LRFN5: variants seen among roughly 807,000 people sequenced by gnomAD.
LRFN5 encodes leucine-rich repeat and fibronectin type-III domain-containing protein 5.
A neutral mutation model predicts 45.6 loss-of-function variants in LRFN5; 24 were observed. That is an observed-to-expected ratio of 0.53 (90% confidence interval 0.38 to 0.74). LRFN5 has a LOEUF of 0.74. Ranked by LOEUF, LRFN5 falls within the 30% of genes least tolerant of loss-of-function variation. The probability of loss-of-function intolerance (pLI) is 0.00; values close to 1 mark genes in which losing one functional copy is unlikely to be tolerated. For missense variants in LRFN5, 776 were observed against 861.5 expected (o/e 0.90, Z 1.24); for synonymous variants, 340 against 313.8 (o/e 1.08, Z -0.88).
intron 1 of LRFN5, among the ~76,000 whole-genome samples, chr14:41,693,205 G>A (rs1882457670): frequency 1.3e-5 from 2 of 152,014 alleles, no homozygotes; most frequent in African/African-American, 2.4e-5. Context: ...TTTGGAAGTT[G>A]TTCTGTGTCT....
intron 1 of LRFN5, among the ~76,000 whole-genome samples, chr14:41,717,707 T>A (rs1883546652): frequency 6.6e-6 from 1 of 152,214 alleles, no homozygotes; most frequent in East Asian, 1.9e-4. Context: ...GTCTACACTG[T>A]GTTAAATCCT....
chr14:41,734,344 A>ATATATATATATATATATATATATC (rs1428416141), intron 1 of LRFN5, among the ~76,000 whole-genome samples: 1 of 105,982 alleles, frequency 9.4e-6, no homozygotes, highest in Non-Finnish European at 2.0e-5. Flanking sequence ...ATATATATAT[A>ATATATATATATATATATATATATC]TTTAAATTTG....
chr14:41,730,089 G>A (rs528290224), intron 1 of LRFN5, among the ~76,000 whole-genome samples: 1 of 152,024 alleles, frequency 6.6e-6, no homozygotes, highest in Non-Finnish European at 1.5e-5. Context: ...TTTTAACATA[G>A]CAATTGTTTT....
intron 1 of LRFN5, among the ~76,000 whole-genome samples, chr14:41,724,992 G>C (rs908705872): frequency 3.9e-5 from 6 of 152,010 alleles, no homozygotes; most frequent in Non-Finnish European, 8.8e-5. Context: ...GAGCTGAATT[G>C]TTACATTTAT....
intron 1 of LRFN5, among the ~76,000 whole-genome samples, chr14:41,648,759 G>A (rs1879943294): frequency 6.6e-6 from 1 of 151,894 alleles, no homozygotes; most frequent in East Asian, 1.9e-4. Flanking sequence ...CCCTTACAGA[G>A]GCATCCACTT....
At chr14:41,682,153 A>T (rs1881927039) in intron 1 of LRFN5, among the ~76,000 whole-genome samples, 1 of 151,968 alleles carries the variant, frequency 6.6e-6, no homozygotes, top group Non-Finnish European at 1.5e-5. Context: ...AGACTAACCA[A>T]TGAACCAATA....
rs190274131 is a variant in LRFN5 at position 41,660,102 on chromosome 14, T to G, written c.-197+51540T>G. Among the ~76,000 whole-genome samples, 305 of 152,236 alleles carry G rather than the reference T, an allele frequency of 2.0e-3. 2 individuals are homozygous for G. The highest frequency in any genetic ancestry group is 2.5e-3 in the East Asian group (13 of 5,176). Reference sequence around the variant, plus strand: ...ATGCAATGGCATGATCTTGGCTCGCTGCAACAACTGCTTACTGGGTTCAAA... The same window carrying G: ...ATGCAATGGCATGATCTTGGCTCGCGGCAACAACTGCTTACTGGGTTCAAA... On this transcript the variant is annotated intron_variant, in intron 1 of 5. Transcript: ENST00000298119.
rs1241948731 is a variant in LRFN5, at chr14:41,734,024, C to CTT, written c.-196-32827_-196-32826dup. On this transcript the variant is annotated intron_variant, in intron 1 of 5. Transcript: ENST00000298119. Reference sequence around the variant, plus strand: ...ATATATATATTTTTTCTTTTCTTTTCTTTTCTTTTTTTTTTTTTGTGATGG... The same window carrying CTT: ...ATATATATATTTTTTCTTTTCTTTTCTTTTTTCTTTTTTTTTTTTTGTGATGG... Among the ~76,000 whole-genome samples, 100 of 115,518 alleles carry CTT rather than the reference C, an allele frequency of 8.7e-4. 1 individual carries two copies. The highest frequency in any genetic ancestry group is 3.5e-3 in the African/African-American group (93 of 26,204). The allele number at this position is 115,518 out of a possible 152,430, so 75.8% of individuals were successfully genotyped here.
intron 4 of LRFN5, chr14:41,894,023 G>GC: frequency 3.0e-6 from 3 of 984,026 alleles, no homozygotes; most frequent in Non-Finnish European, 3.6e-6. Flanking sequence ...AACATCAATT[G>GC]CCTAATTCCT....
At chr14:41,788,496 G>T (rs1184361334) in intron 2 of LRFN5, among the ~76,000 whole-genome samples, 3 of 151,952 alleles carry the variant, frequency 2.0e-5, no homozygotes, top group African/African-American at 7.2e-5. Flanking sequence ...ATGCAGGAAA[G>T]CTCTCTGCCT....
intron 1 of LRFN5, among the ~76,000 whole-genome samples, chr14:41,760,036 A>G (rs1454399575): frequency 6.6e-6 from 1 of 152,208 alleles, no homozygotes; most frequent in Non-Finnish European, 1.5e-5. Context: ...ATCGCAACCA[A>G]GAAACTGTCA....
chr14:41,691,291 A>G (rs940522071), intron 1 of LRFN5, among the ~76,000 whole-genome samples: 12 of 151,846 alleles, frequency 7.9e-5, no homozygotes, highest in African/African-American at 2.9e-4. Context: ...TCTATTCCTT[A>G]TAATTTAAAT....
At position 41,887,041 on chromosome 14, in the gene LRFN5, C is replaced by G. The variant is rs1215739911; in HGVS notation, c.416C>G (p.Ser139Cys). ...AACAACAATCAGCTGACTTTAATTT[C>G]CTCTACAGCGTTTGATGATGTCTTC... The part of the protein sequence containing the change: ...ILNNNQLTLI[S>C]STAFDDVFAL... The change falls in exon 3 of 6, where the codon TCC becomes TGC. Residue 139 changes from serine to cysteine, a missense_variant. By Grantham distance (112) the Ser-to-Cys change is moderately radical (BLOSUM62 -1). This residue lies in a region of LRFN5 where 311 missense variants were observed against 405.1 expected (regional missense o/e 0.77). Transcript: ENST00000298119. The surrounding 1 kb of genome is among the most constrained non-coding windows in gnomAD (Gnocchi z 4.8). 3 of 1,614,128 alleles carry G rather than the reference C, an allele frequency of 1.9e-6. No individual in the cohort carries two copies. The highest frequency in any genetic ancestry group is 1.6e-4 in the Middle Eastern group (1 of 6,062).
intron 1 of LRFN5, among the ~76,000 whole-genome samples, chr14:41,675,905 T>G (rs924323693): frequency 2.6e-5 from 4 of 152,166 alleles, no homozygotes; most frequent in Admixed American, 2.6e-4. Flanking sequence ...AAACATTCAT[T>G]TGAGAAAATC....
At position 41,904,404 on chromosome 14, in the gene LRFN5, A is replaced by ATT; in HGVS notation, c.*238_*239dup. 4 of 428,530 alleles carry ATT rather than the reference A, an allele frequency of 9.3e-6. No homozygotes were observed. Among genetic ancestry groups the ATT allele is most frequent in the South Asian group, 5.4e-5 (1 of 18,568 alleles). The allele number at this position is 428,530 out of a possible 1,614,324, so 26.5% of individuals were successfully genotyped here. On this transcript the variant is annotated 3_prime_UTR_variant, in exon 6 of 6. Coordinates refer to ENST00000298119, the MANE Select transcript of LRFN5 (RefSeq NM_152447.5). ...TTTTTTTTTCTTCTGGCCTACAAGT[A>ATT]TTTTTTTTTTAAAAAAGAAAAAAAG...
At chr14:41,642,304 GTTGT>G (rs946775471) in intron 1 of LRFN5, among the ~76,000 whole-genome samples, 2 of 152,082 alleles carry the variant, frequency 1.3e-5, no homozygotes, top group African/African-American at 4.8e-5. Context: ...AGAGTAAAAG[GTTGT>G]TTGTGTTATA....
At chr14:41,852,169 AGTT>A (rs886173722) in intron 2 of LRFN5, among the ~76,000 whole-genome samples, 13 of 151,872 alleles carry the variant, frequency 8.6e-5, no homozygotes, top group Non-Finnish European at 1.9e-4. Context: ...AAAAGAAAAA[AGTT>A]GTTAATGCAA....
intron 2 of LRFN5, among the ~76,000 whole-genome samples, chr14:41,868,495 A>T (rs565087892): frequency 6.6e-6 from 1 of 152,126 alleles, no homozygotes; most frequent in Non-Finnish European, 1.5e-5. Context: ...TATCTAAAAA[A>T]TCCTGAATAA....
chr14:41,647,385 C>G (rs1432706340), intron 1 of LRFN5, among the ~76,000 whole-genome samples: 1 of 152,064 alleles, frequency 6.6e-6, no homozygotes, highest in East Asian at 1.9e-4. Flanking sequence ...AATGTTACAT[C>G]TCATGGAGGA....
Sources: gnomAD v4.1 joint callset for allele counts (sites outside exome capture counted in the v4.1 genomes callset) on GRCh38, gnomAD v4.1.1 for gene constraint, gnomAD v4.1.1 regional missense constraint, Gnocchi (gnomAD v3.1) non-coding constraint, MANE v1.5 for transcripts, NCBI Gene and HGNC (gene_info 2026-07-23, HGNC 2026-07-21) for gene names.